Variants in PRKCH observed in about 807,000 individuals in gnomAD.
PRKCH encodes the protein protein kinase C eta.
Under a neutral mutation model 82.5 loss-of-function variants are expected in PRKCH, and 28 were observed. The observed-to-expected ratio is 0.34, with a 90% CI of 0.25 to 0.47. The LOEUF (loss-of-function observed/expected upper bound fraction) is 0.47, where lower values mean the gene tolerates loss of function less well. PRKCH is among the 20% of genes least tolerant of loss of function. The pLI is 1.00. For missense variants in PRKCH, 705 were observed against 881.8 expected (o/e 0.80, Z 2.54); for synonymous variants, 322 against 327.4 (o/e 0.98, Z 0.18).
At chr14:61,446,942 G>A (rs898556223) in intron 4 of PRKCH, among the ~76,000 whole-genome samples, 2 of 152,046 alleles carry the variant, frequency 1.3e-5, no homozygotes, top group African/African-American at 4.8e-5. Context: ...ATATTTGATG[G>A]CCTGATTTTC....
intron 12 of PRKCH, among the ~76,000 whole-genome samples, chr14:61,538,884 A>AGGAG (rs1395056667): frequency 6.6e-6 from 1 of 152,216 alleles, no homozygotes; most frequent in African/African-American, 2.4e-5. Flanking sequence ...ATTTCATCAG[A>AGGAG]GGAGGATAAA....
chr14:61,329,254 T>TTTTTTTTTTTTA (rs1555375988), intron 1 of PRKCH, among the ~76,000 whole-genome samples: 2 of 122,440 alleles, frequency 1.6e-5, no homozygotes, highest in Non-Finnish European at 3.4e-5. Flanking sequence ...TTTTTTTTTT[T>TTTTTTTTTTTTA]GAGACAGAAT....
chr14:61,546,011 C>T (rs950853196), intron 12 of PRKCH, among the ~76,000 whole-genome samples: 5 of 152,214 alleles, frequency 3.3e-5, no homozygotes, highest in South Asian at 2.1e-4. Context: ...TGTGTTCTGC[C>T]GTCCTGTCTC....
Position 61,280,178 on chromosome 14 carries a change from C to T in PRKCH, c.-19+92510C>T. 6.2e-7 allele frequency: 1 copy of T among 1,614,100 alleles called. No individual in the cohort carries two copies. The highest frequency in any genetic ancestry group is 1.7e-5 in the Admixed American group (1 of 60,018). Reference sequence around the variant, plus strand: ...CCGGTGAGGATGCAGAGGGAGCCGACGACCAGGTAGGCGATGCCCAGGAAG... The same window carrying T: ...CCGGTGAGGATGCAGAGGGAGCCGATGACCAGGTAGGCGATGCCCAGGAAG... On this transcript the variant is annotated intron_variant, in intron 1 of 3. Transcript: ENST00000555185. This position sits in a 1 kb window ranked among gnomAD's most constrained non-coding sequence, Gnocchi z 5.0.
At chr14:61,539,569 T>C (rs1395221303) in intron 12 of PRKCH, among the ~76,000 whole-genome samples, 1 of 152,160 alleles carries the variant, frequency 6.6e-6, no homozygotes, top group Non-Finnish European at 1.5e-5. Context: ...GCCCACTTCC[T>C]CCATCACTGG....
At chr14:61,190,783 C>A (rs542017413) in intron 1 of PRKCH, among the ~76,000 whole-genome samples, 1 of 152,284 alleles carries the variant, frequency 6.6e-6, no homozygotes, top group African/African-American at 2.4e-5. Flanking sequence ...CCGATGGACT[C>A]CCAGCTCATA....
rs149410475 is a variant in PRKCH, at chr14:61,547,874, C to T, written c.1893C>T (p.Phe631=). ...QLNHRQIEPP[F]RPRIKSREDV... Reference sequence around the variant, plus strand: ...ACCATCGCCAAATAGAACCGCCTTTCAGACCCAGAATCGTAAGTGTCCCAG... The same window carrying T: ...ACCATCGCCAAATAGAACCGCCTTTTAGACCCAGAATCGTAAGTGTCCCAG... Residue 631 remains phenylalanine, a synonymous_variant, in exon 13 of 14, where the codon TTC becomes TTT. Coordinates refer to ENST00000332981, the MANE Select transcript of PRKCH (RefSeq NM_006255.5). 2.2e-5 allele frequency: 35 copies of T among 1,613,922 alleles called. No homozygotes were observed. The highest frequency in any genetic ancestry group is 1.3e-4 in the South Asian group (12 of 91,056).
At chr14:61,545,276 A>C (rs1011963317) in intron 12 of PRKCH, 3 of 152,190 alleles carry the variant, frequency 2.0e-5, no homozygotes, top group Non-Finnish European at 2.9e-5. Flanking sequence ...CTCTTCCACG[A>C]GGCTGTCACT....
intron 10 of PRKCH, among the ~76,000 whole-genome samples, chr14:61,528,596 C>T (rs2043001317): frequency 6.7e-6 from 1 of 149,036 alleles, no homozygotes; most frequent in Non-Finnish European, 1.5e-5. Flanking sequence ...ATATTTGTCT[C>T]CCATTACACT....
rs201777475 is a variant in PRKCH at position 61,377,718 on chromosome 14, AC to A, written c.364-13504del. Among the ~76,000 whole-genome samples, 17 of 152,308 alleles carry A rather than the reference AC, an allele frequency of 1.1e-4. No homozygotes were observed. In the East Asian group the frequency reaches 3.3e-3, roughly 29 times the overall value. On this transcript the variant is annotated intron_variant, in intron 1 of 13. Coordinates refer to ENST00000332981, the MANE Select transcript of PRKCH (RefSeq NM_006255.5). ...CTGTTTGCTGACCCTGATCTAGGATACCCAGGCCCCAAACTCCATACTCCTT... is the reference window on the plus strand; with the variant it reads ...CTGTTTGCTGACCCTGATCTAGGATACCAGGCCCCAAACTCCATACTCCTT...
intron 1 of PRKCH, among the ~76,000 whole-genome samples, chr14:61,252,768 A>G (rs1325635455): frequency 6.6e-6 from 1 of 152,266 alleles, no homozygotes; most frequent in Non-Finnish European, 1.5e-5. Context: ...CTGTTCAAAC[A>G]CAGTCATTAT....
chr14:61,255,447 A>G (rs1346968308), intron 1 of PRKCH, among the ~76,000 whole-genome samples: 1 of 152,196 alleles, frequency 6.6e-6, no homozygotes, highest in African/African-American at 2.4e-5. Flanking sequence ...CCAAATCCTA[A>G]TAATCACACC....
intron 1 of PRKCH, among the ~76,000 whole-genome samples, chr14:61,245,948 G>A (rs2044876189): frequency 6.6e-6 from 1 of 152,176 alleles, no homozygotes; most frequent in South Asian, 2.1e-4. Context: ...CCAAACATTA[G>A]TGGTCGCTGG....
intron 1 of PRKCH, among the ~76,000 whole-genome samples, chr14:61,336,090 A>AC (rs2140132438): frequency 6.6e-6 from 1 of 152,352 alleles, no homozygotes; most frequent in African/African-American, 2.4e-5. Context: ...CATGACATAT[A>AC]CTACCGCAGA....
At chr14:61,405,024 G>A (rs1387597798) in intron 2 of PRKCH, among the ~76,000 whole-genome samples, 19 of 152,184 alleles carry the variant, frequency 1.2e-4, no homozygotes, top group Admixed American at 9.2e-4. Context: ...CACTGAGCAC[G>A]TCTTTTCCCC....
At chr14:61,200,784 T>TA (rs199807031) in intron 1 of PRKCH, among the ~76,000 whole-genome samples, 4 of 147,878 alleles carry the variant, frequency 2.7e-5, no homozygotes, top group African/African-American at 7.6e-5. Flanking sequence ...ATTTTATTAT[T>TA]ATTATTGTTA....
intron 1 of PRKCH, among the ~76,000 whole-genome samples, chr14:61,310,784 C>T (rs2045517337): frequency 6.6e-6 from 1 of 152,274 alleles, no homozygotes; most frequent in South Asian, 2.1e-4. Flanking sequence ...CATAAGGGCT[C>T]TGCCCTAGCA....
At chr14:61,221,144 G>T (rs2044652783) in intron 1 of PRKCH, among the ~76,000 whole-genome samples, 1 of 152,188 alleles carries the variant, frequency 6.6e-6, no homozygotes, top group South Asian at 2.1e-4. Context: ...CAAAGTCGTT[G>T]AGAAGGTGGG....
chr14:61,445,633 A>C (rs552341271), intron 3 of PRKCH, 59 bp from the exon 4 acceptor site: 2 of 1,458,990 alleles, frequency 1.4e-6, no homozygotes, highest in East Asian at 2.3e-5. Context: ...TTCCTTAAGG[A>C]CTATAAGAGG....
Sources: allele counts gnomAD v4.1 joint callset (sites outside exome capture counted in the v4.1 genomes callset), GRCh38; gene constraint gnomAD v4.1.1; non-coding constraint Gnocchi (gnomAD v3.1); transcripts MANE v1.5; gene names NCBI Gene and HGNC (gene_info 2026-07-23, HGNC 2026-07-21).